The following GRAMD1C variants were observed in gnomAD, a reference collection of about 807,000 sequenced individuals.
GRAMD1C encodes protein Aster-C.
Under a neutral mutation model 97.8 loss-of-function variants are expected in GRAMD1C, and 89 were observed. The observed-to-expected ratio is 0.91, with a 90% CI of 0.77 to 1.09. GRAMD1C has a LOEUF of 1.09. Ranked by LOEUF, GRAMD1C falls within the 50% of genes least tolerant of loss-of-function variation. The pLI is 0.00. For missense variants in GRAMD1C, 740 were observed against 766.4 expected (o/e 0.97, Z 0.41); for synonymous variants, 256 against 267.0 (o/e 0.96, Z 0.40).
At chr3:113,919,747 A>C in intron 10 of GRAMD1C, 1 of 586,578 alleles carries the variant, frequency 1.7e-6, no homozygotes, top group African/African-American at 1.9e-5. Context: ...GTCTACATAT[A>C]TAATTTGAAT....
intron 1 of GRAMD1C, among the ~76,000 whole-genome samples, chr3:113,841,392 T>C (rs146903289): frequency 0.019 from 2,827 of 145,210 alleles, 80 homozygotes; most frequent in East Asian, 0.097. Context: ...TTCAAGCAAT[T>C]CTCCTGCCTC....
At chr3:113,942,798 C>T (rs976141232) in intron 17 of GRAMD1C, among the ~76,000 whole-genome samples, 8 of 152,124 alleles carry the variant, frequency 5.3e-5, no homozygotes, top group African/African-American at 1.7e-4. Flanking sequence ...GGTCAGATGC[C>T]GAAAGTTTCA....
intron 9 of GRAMD1C, among the ~76,000 whole-genome samples, chr3:113,914,873 C>T (rs1337035988): frequency 6.6e-6 from 1 of 152,152 alleles, no homozygotes; most frequent in African/African-American, 2.4e-5. Flanking sequence ...GATAATACCA[C>T]TTATCTCATA....
rs912150121 is a variant in GRAMD1C, at chr3:113,945,818, G to C, written c.*340G>C. The C allele has an allele frequency of 9.3e-6, 2 of 214,838 alleles. No individual in the cohort carries two copies. Among genetic ancestry groups the C allele is most frequent in the African/African-American group, 4.7e-5 (2 of 42,712 alleles). 13.3% of individuals were successfully genotyped at this position (214,838 alleles called of 1,614,324 possible). On this transcript the variant is annotated 3_prime_UTR_variant, in exon 18 of 18. Coordinates refer to ENST00000358160, the MANE Select transcript of GRAMD1C (RefSeq NM_017577.5). Reference sequence around the variant, plus strand: ...TTTCTACAGTGAAGTCTGATGCTTTGTTAGCACAGAATCCGTACATGTCCA... The same window carrying C: ...TTTCTACAGTGAAGTCTGATGCTTTCTTAGCACAGAATCCGTACATGTCCA...
rs185091990 is a variant in GRAMD1C at position 113,866,689 on chromosome 3, T to C, written c.175-2818T>C. ...TTTAAAATTTTTTGAGGGTTGTTTT[T>C]AGTGATTGCTCAAGAGAGTATAGTA... On this transcript the variant is annotated intron_variant, in intron 2 of 17. Transcript: ENST00000358160. Among the ~76,000 whole-genome samples, 25 of 152,326 alleles carry C rather than the reference T, an allele frequency of 1.6e-4. No individual in the cohort carries two copies. In the East Asian group the frequency reaches 3.9e-3, roughly 23 times the overall value.
chr3:113,833,429 G>T (rs565239117), intron 1 of GRAMD1C, among the ~76,000 whole-genome samples: 1 of 151,864 alleles, frequency 6.6e-6, no homozygotes, highest in Non-Finnish European at 1.5e-5. Flanking sequence ...GAGCCACCAT[G>T]CCCGGCCCAA....
At chr3:113,933,406 T>C in intron 11 of GRAMD1C, 105 bp from the exon 12 acceptor site, 1 of 756,740 alleles carries the variant, frequency 1.3e-6, no homozygotes, top group Non-Finnish European at 2.2e-6. Context: ...TTCTCATGTT[T>C]TTTGTAATTT....
chr3:113,913,698 A>G (rs1023985805), intron 9 of GRAMD1C, among the ~76,000 whole-genome samples: 2 of 152,174 alleles, frequency 1.3e-5, no homozygotes, highest in Non-Finnish European at 2.9e-5. Context: ...TTAGATTATC[A>G]TTAGATAGCA....
At chr3:113,918,781 G>T (rs1423563319) in intron 10 of GRAMD1C, among the ~76,000 whole-genome samples, 2 of 152,044 alleles carry the variant, frequency 1.3e-5, no homozygotes, top group South Asian at 2.1e-4. Flanking sequence ...CTGTAGCCTC[G>T]ACCTCCTGGG....
intron 10 of GRAMD1C, among the ~76,000 whole-genome samples, chr3:113,921,044 T>C (rs1389023600): frequency 6.6e-6 from 1 of 152,184 alleles, no homozygotes; most frequent in East Asian, 1.9e-4. Flanking sequence ...TAGGTAGTTT[T>C]CAGTCTTTAC....
At chr3:113,856,534 T>G (rs1257801847) in intron 2 of GRAMD1C, among the ~76,000 whole-genome samples, 1 of 151,672 alleles carries the variant, frequency 6.6e-6, no homozygotes, top group East Asian at 1.9e-4. Flanking sequence ...TATGTATGTA[T>G]GTATGTATGT....
At chr3:113,900,705 C>T (rs974854424) in intron 6 of GRAMD1C, among the ~76,000 whole-genome samples, 5 of 151,742 alleles carry the variant, frequency 3.3e-5, no homozygotes, top group Admixed American at 6.6e-5. Flanking sequence ...GGATTACAGG[C>T]GTGAGTCACT....
At chr3:113,920,649 C>T (rs901794487) in intron 10 of GRAMD1C, among the ~76,000 whole-genome samples, 6 of 152,112 alleles carry the variant, frequency 3.9e-5, no homozygotes, top group African/African-American at 1.4e-4. Context: ...TCAAGTGATT[C>T]TCCTGCTTAT....
At position 113,922,444 on chromosome 3, in the gene GRAMD1C, A is replaced by G. The variant is rs558059902; in HGVS notation, c.1090+6606A>G. On this transcript the variant is annotated intron_variant, in intron 10 of 17. Transcript: ENST00000358160. ...TAAGTCTTTAATCCATCTTGAGCTG[A>G]TTTTTATATATGGTGTAAGGAAGGG... Among the ~76,000 whole-genome samples, 22 of 152,220 alleles carry G rather than the reference A, an allele frequency of 1.4e-4. No individual in the cohort carries two copies. In the South Asian group the frequency reaches 4.4e-3, roughly 30 times the overall value.
intron 17 of GRAMD1C, among the ~76,000 whole-genome samples, chr3:113,941,409 C>G (rs1382074800): frequency 6.6e-6 from 1 of 152,048 alleles, no homozygotes; most frequent in Non-Finnish European, 1.5e-5. Flanking sequence ...TCTACAACTC[C>G]TGTTATTCAG....
chr3:113,922,278 G>C (rs1937087455), intron 10 of GRAMD1C, among the ~76,000 whole-genome samples: 1 of 152,032 alleles, frequency 6.6e-6, no homozygotes, highest in African/African-American at 2.4e-5. Flanking sequence ...TCACCATCTT[G>C]CCCAAGCTGC....
chr3:113,939,837 G>A (rs1937681794), intron 15 of GRAMD1C, 49 bp from the exon 16 acceptor site: 1 of 949,476 alleles, frequency 1.1e-6, no homozygotes, highest in African/African-American at 1.6e-5. Flanking sequence ...CATTAGCAAT[G>A]CTTTAGGTCT....
intron 3 of GRAMD1C, among the ~76,000 whole-genome samples, chr3:113,871,009 A>AGG (rs1934784949): frequency 8.9e-6 from 1 of 112,208 alleles, no homozygotes; most frequent in Non-Finnish European, 1.9e-5. Flanking sequence ...ACACACACAC[A>AGG]CACACACACA....
At chr3:113,910,567 G>T (rs1936531390) in intron 9 of GRAMD1C, among the ~76,000 whole-genome samples, 1 of 152,190 alleles carries the variant, frequency 6.6e-6, no homozygotes, top group African/African-American at 2.4e-5. Context: ...TAATCCATGT[G>T]TACATGAGGT....
Sources: gnomAD v4.1 joint callset for allele counts (sites outside exome capture counted in the v4.1 genomes callset) on GRCh38, gnomAD v4.1.1 for gene constraint, MANE v1.5 for transcripts, NCBI Gene and HGNC (gene_info 2026-07-23, HGNC 2026-07-21) for gene names.